CYB5RL: variants seen among roughly 807,000 people sequenced by gnomAD.
The protein encoded by CYB5RL is NADH-cytochrome b5 reductase-like.
CYB5RL carries 38 observed loss-of-function variants against 37.5 expected under a neutral mutation model. That is an observed-to-expected ratio of 1.01 (90% CI 0.78 to 1.33). CYB5RL has a LOEUF of 1.33. Among genes scored for constraint, CYB5RL ranks in the 40% most tolerant of loss-of-function variants. The pLI is 0.00. For missense variants in CYB5RL, 388 were observed against 394.4 expected (o/e 0.98, Z 0.14); for synonymous variants, 141 against 151.9 (o/e 0.93, Z 0.53).
At chr1:54,195,322 T>C in intron 3 of CYB5RL, 97 bp downstream of exon 3, 3 of 1,339,332 alleles carry the variant, frequency 2.2e-6, no homozygotes, top group Non-Finnish European at 2.9e-6. Flanking sequence ...TTTCTTCTGC[T>C]GTACAGTCAG....
At chr1:54,192,534 T>C (rs995327400) in intron 3 of CYB5RL, among the ~76,000 whole-genome samples, 3 of 152,114 alleles carry the variant, frequency 2.0e-5, no homozygotes, top group Non-Finnish European at 4.4e-5. Context: ...AGTGTTATAA[T>C]AGGTGATGAC....
intron 4 of CYB5RL, among the ~76,000 whole-genome samples, chr1:54,188,171 G>GA (rs1276972637): frequency 3.3e-5 from 5 of 151,942 alleles, no homozygotes; most frequent in Non-Finnish European, 1.5e-5. Context: ...AGATGCAACA[G>GA]AAAAAAAAGA....
At chr1:54,193,831 G>T (rs1308613869) in intron 3 of CYB5RL, among the ~76,000 whole-genome samples, 2 of 151,600 alleles carry the variant, frequency 1.3e-5, no homozygotes, top group Non-Finnish European at 2.9e-5. Flanking sequence ...TTAGCCGGGC[G>T]TGGTGGTAGG....
At position 54,195,575 on chromosome 1, in the gene CYB5RL, G is replaced by A; in HGVS notation, c.42C>T (p.Ala14=). Residue 14 remains alanine (A), a synonymous_variant, in exon 3 of 8, where the codon GCC becomes GCT. Transcript: ENST00000534324. ...GTTCTGTGGGCCGTAGCTGCATCCA[G>A]GCTTCCTCAGTGTCGTCGTCCTCTT... is the stretch of plus-strand genomic sequence containing the variant. ...EREEDDDTEE[A]WMQLRPTEPL... The A allele has an allele frequency of 6.2e-7, 1 of 1,613,512 alleles. No homozygotes were observed.
rs1205424900 is a variant in CYB5RL at position 54,171,656 on chromosome 1, G to A, written c.*2963C>T. On this transcript the variant is annotated 3_prime_UTR_variant, in exon 8 of 8. Transcript: ENST00000534324. ...ATTGTGGACACCTGGTTGACCTCTT[G>A]ATGCCTGCGTATCATGTCTAGCTCC... 2 of 352,606 alleles carry A rather than the reference G, an allele frequency of 5.7e-6. No homozygotes were observed. The highest frequency in any genetic ancestry group is 4.3e-5 in the African/African-American group (2 of 46,654). 21.8% of individuals were successfully genotyped at this position (352,606 alleles called of 1,614,324 possible).
rs1482338444 is a variant in CYB5RL, at chr1:54,171,300, G to A, written c.*3319C>T. On this transcript the variant is annotated 3_prime_UTR_variant, in exon 8 of 8. Transcript: ENST00000534324. ...TGAGAGGTGGGTGTGAGTGGGCGGT[G>A]GCATACAAAAAGTCTGGAGAGGTGG... 2 of 456,408 alleles carry A rather than the reference G, an allele frequency of 4.4e-6. No homozygotes were observed. The highest frequency in any genetic ancestry group is 3.1e-5 in the South Asian group (2 of 64,548). 28.3% of individuals were successfully genotyped at this position (456,408 alleles called of 1,614,324 possible).
chr1:54,198,195 G>A (rs1444758485), intron 1 of CYB5RL, among the ~76,000 whole-genome samples: 1 of 152,076 alleles, frequency 6.6e-6, no homozygotes, highest in African/African-American at 2.4e-5. Flanking sequence ...ACAGGTCATT[G>A]TTCCTACCTT....
At chr1:54,196,660 AG>A (rs2100488376) in intron 1 of CYB5RL, among the ~76,000 whole-genome samples, 169 bp from the exon 2 acceptor site, 2 of 152,304 alleles carry the variant, frequency 1.3e-5, no homozygotes, top group African/African-American at 4.8e-5. Flanking sequence ...GCACTTCCCC[AG>A]GTGATAATTA....
intron 7 of CYB5RL, chr1:54,175,423 G>A: frequency 3.5e-6 from 1 of 284,066 alleles, no homozygotes; most frequent in Non-Finnish European, 7.2e-6. Flanking sequence ...TTCCAAGGCT[G>A]GACGGTGACC....
At position 54,190,901 on chromosome 1, in the gene CYB5RL, A is replaced by G. The variant is rs1165624432; in HGVS notation, c.199-5T>C. On this transcript the variant is annotated splice_region_variant and splice_polypyrimidine_tract_variant and intron_variant, in intron 3 of 7. Transcript: ENST00000534324. The stretch of plus-strand genomic sequence containing the variant: ...GTTCAGCTTGGAGGGGCAGCTCTGC[A>G]ACAGGAAGAGATCCAACAGCTAGAG... 1 of 1,610,772 alleles carries G rather than the reference A, an allele frequency of 6.2e-7. No individual in the cohort carries two copies. The highest frequency in any genetic ancestry group is 8.5e-7 in the Non-Finnish European group (1 of 1,179,008).
intron 2 of CYB5RL, 103 bp downstream of exon 2, chr1:54,196,266 C>CTT: frequency 6.6e-6 from 1 of 152,390 alleles, no homozygotes; most frequent in Non-Finnish European, 1.5e-5. Flanking sequence ...CAGCTCACTG[C>CTT]AGCCTCAACC....
rs1343786366 is a variant in CYB5RL at position 54,171,198 on chromosome 1, G to T, written c.*3421C>A. On this transcript the variant is annotated 3_prime_UTR_variant, in exon 8 of 8. Transcript: ENST00000534324. ...GGCAAAAAAGGTGAGTGGGAGATCGGAAGGTGGGAGGCTGGCCAGGCAGAG... is the reference window on the plus strand; with the variant it reads ...GGCAAAAAAGGTGAGTGGGAGATCGTAAGGTGGGAGGCTGGCCAGGCAGAG... 8.8e-6 allele frequency: 4 copies of T among 456,146 alleles called. No individual in the cohort carries two copies. The Admixed American group carries it at 9.4e-5, about 11-fold the overall frequency. 28.3% of individuals were successfully genotyped at this position (456,146 alleles called of 1,614,324 possible). A position where few individuals can be genotyped will look rare whatever the true frequency, so the allele number is the denominator to read the frequency against.
intron 3 of CYB5RL, among the ~76,000 whole-genome samples, chr1:54,193,165 C>A (rs1445113499): frequency 6.6e-6 from 1 of 152,228 alleles, no homozygotes; most frequent in East Asian, 1.9e-4. Context: ...GGATATGGTA[C>A]TTAGTAGATC....
intron 6 of CYB5RL, among the ~76,000 whole-genome samples, chr1:54,180,831 T>A (rs1557719875): frequency 6.6e-6 from 1 of 152,070 alleles, no homozygotes; most frequent in African/African-American, 2.4e-5. Context: ...ATCTCAGAAC[T>A]GTTACCAGGA....
At position 54,193,969 on chromosome 1, in the gene CYB5RL, C is replaced by CAATAAT. The variant is rs553048131; in HGVS notation, c.198+1444_198+1449dup. On this transcript the variant is annotated intron_variant, in intron 3 of 7. Transcript: ENST00000534324. The stretch of plus-strand genomic sequence containing the variant: ...TGGGTGATGGAGTGAGACTCTGCCT[C>CAATAAT]AATAATAATAATAATAATAAGTGAG... Among the ~76,000 whole-genome samples the CAATAAT allele has an allele frequency of 8.8e-5, 13 of 147,690 alleles. No homozygotes were observed. In the South Asian group the frequency reaches 1.1e-3, roughly 12 times the overall value.
Position 54,174,648 on chromosome 1 carries a change from G to C in CYB5RL, c.919C>G (p.Leu307Val), listed in dbSNP as rs1360128524. ...DIARCLLCAGLTEDSYFLF is the reference protein window; with the variant it reads ...DIARCLLCAGVTEDSYFLF ...AAGAGGAAATAGGAGTCCTCAGTGA[G>C]GCCTGCGCACAGTAAGCACCTGGCT... The change falls in exon 8 of 8, where the codon CTC becomes GTC. Residue 307 changes from leucine (L) to valine (V), a missense_variant. Physicochemically the swap from Leu to Val is conservative, Grantham distance 32 (BLOSUM62 1). Coordinates refer to ENST00000534324, the MANE Select transcript of CYB5RL (RefSeq NM_001031672.4). 1 of 1,612,178 alleles carries C rather than the reference G, an allele frequency of 6.2e-7. No homozygotes were observed. Among genetic ancestry groups the C allele is most frequent in the Non-Finnish European group, 8.5e-7 (1 of 1,179,236 alleles).
intron 4 of CYB5RL, chr1:54,187,958 C>T (rs1260654650): frequency 3.9e-6 from 2 of 515,734 alleles, no homozygotes; most frequent in African/African-American, 1.9e-5. Flanking sequence ...CGCCTGTAGT[C>T]TCAGCTACCT....
At chr1:54,175,975 A>G (rs1234670909) in intron 7 of CYB5RL, among the ~76,000 whole-genome samples, 1 of 152,210 alleles carries the variant, frequency 6.6e-6, no homozygotes, top group Non-Finnish European at 1.5e-5. Flanking sequence ...TTACAAGCCC[A>G]CAAAAAAACA....
chr1:54,184,048 ACC>A, intron 6 of CYB5RL, 111 bp downstream of exon 6: 1 of 775,280 alleles, frequency 1.3e-6, no homozygotes, highest in East Asian at 2.8e-5. Flanking sequence ...CCAAGGATAC[ACC>A]TGGGATTGTG....
Sources: allele counts gnomAD v4.1 joint callset (sites outside exome capture counted in the v4.1 genomes callset), GRCh38; gene constraint gnomAD v4.1.1; transcripts MANE v1.5; gene names NCBI Gene and HGNC (gene_info 2026-07-23, HGNC 2026-07-21).